Variants in ZNF726 observed in about 807,000 individuals in gnomAD.
ZNF726 encodes zinc finger protein 726, also known as zinc finger protein 92 pseudogene 3.
A neutral mutation model predicts 11.6 loss-of-function variants in ZNF726; 15 were observed. The observed-to-expected ratio is 1.29, with a 90% CI of 0.86 to 1.99. ZNF726 has a LOEUF of 1.99. ZNF726 is among the 30% of genes most tolerant of loss of function. The pLI is 0.00. For synonymous variants in ZNF726, 295 were observed against 243.6 expected, an observed-to-expected ratio of 1.21 and a Z score of -1.96; for missense variants, 890 against 725.6, an observed-to-expected ratio of 1.23 and a Z score of -2.60.
chr19:23,933,009 C>G lies in ZNF726; in HGVS notation c.893C>G (p.Ser298Ter), dbSNP rs747832243. ...EECGKAFSQPSALTIHKRMHI... is the reference protein window; with the variant it reads ...EECGKAFSQP ...TGTGGCAAAGCATTTAGCCAACCCT[C>G]AGCACTAACCATACATAAGAGGATG... The change falls in exon 4 of 4, where the codon TCA (serine) becomes TGA (stop). Residue 298 changes from serine to a stop codon, truncating the protein, a stop_gained. Transcript: ENST00000594466. LOFTEE classifies it low-confidence loss of function (END_TRUNC). 3.4e-5 allele frequency: 55 copies of G among 1,612,808 alleles called. No homozygotes were observed. The highest frequency in any genetic ancestry group is 4.4e-5 in the Non-Finnish European group (52 of 1,179,896).
intron 3 of ZNF726, chr19:23,923,856 C>A (rs1811011894): frequency 6.6e-6 from 1 of 152,652 alleles, no homozygotes; most frequent in South Asian, 2.1e-4. Context: ...AGTTTCCTAA[C>A]ATCAGTTTAT....
Position 23,933,244 on chromosome 19 carries a change from A to G in ZNF726, c.1128A>G (p.Lys376=). The G allele has an allele frequency of 1.2e-6, 2 of 1,613,350 alleles. No homozygotes were observed. Among genetic ancestry groups the G allele is most frequent in the Non-Finnish European group, 1.7e-6 (2 of 1,179,996 alleles). ...CCTACAAATGTGAAGAATGTGGCAA[A>G]GCATTTATATGGCCCTCAACCCTAA... ...EKPYKCEECG[K]AFIWPSTLTK... is the part of the protein sequence containing the mutation. The change falls in exon 4 of 4, where the codon AAA becomes AAG. Residue 376 remains lysine, a synonymous_variant. Coordinates refer to ENST00000594466, the MANE Select transcript of ZNF726 (RefSeq NM_001244038.2).
At chr19:23,922,370 T>C (rs1007681052) in intron 3 of ZNF726, among the ~76,000 whole-genome samples, 7 of 152,152 alleles carry the variant, frequency 4.6e-5, no homozygotes, top group Non-Finnish European at 4.4e-5. Context: ...CTCAGGGAGC[T>C]GGAACTGAGT....
intron 3 of ZNF726, chr19:23,928,028 GC>G (rs1283582384): frequency 6.6e-6 from 1 of 152,140 alleles, no homozygotes; most frequent in Non-Finnish European, 1.5e-5. Flanking sequence ...CTCATAGATA[GC>G]TTGGCACCAT....
chr19:23,915,221 G>C (rs1182413510), intron 1 of ZNF726, among the ~76,000 whole-genome samples: 1 of 152,098 alleles, frequency 6.6e-6, no homozygotes, highest in Non-Finnish European at 1.5e-5. Context: ...CTGTGCCCTG[G>C]CCTGGAGCCC....
intron 3 of ZNF726, among the ~76,000 whole-genome samples, chr19:23,931,944 A>T (rs1215411225): frequency 6.6e-6 from 1 of 152,144 alleles, no homozygotes; most frequent in Non-Finnish European, 1.5e-5. Context: ...AAGCCCCTAA[A>T]AGCCAGAAAT....
At chr19:23,919,116 A>G in intron 1 of ZNF726, 1 of 352,400 alleles carries the variant, frequency 2.8e-6, no homozygotes, top group South Asian at 3.1e-5. Flanking sequence ...TGTACATGTT[A>G]GTACATTTTT....
Position 23,933,906 on chromosome 19 carries a change from A to G in ZNF726, c.1790A>G (p.Glu597Gly), listed in dbSNP as rs1413231962. The change falls in exon 4 of 4, where the codon GAA becomes GGA. Residue 597 changes from glutamate to glycine, a missense_variant. Glu to Gly is a moderately conservative substitution (Grantham distance 98, BLOSUM62 -2). Transcript: ENST00000594466. Reference sequence around the variant, plus strand: ...GGAGAGAAACCTTACAAGTGTGACGAATGTGGCAAATCATTTATCTGGTCC... The same window carrying G: ...GGAGAGAAACCTTACAAGTGTGACGGATGTGGCAAATCATTTATCTGGTCC... Reference protein sequence around the residue: ...HTGEKPYKCDECGKSFIWSST... With the variant: ...HTGEKPYKCDGCGKSFIWSST... 3.1e-6 allele frequency: 5 copies of G among 1,588,330 alleles called. No homozygotes were observed. Among genetic ancestry groups the G allele is most frequent in the Non-Finnish European group, 4.3e-6 (5 of 1,167,022 alleles).
intron 3 of ZNF726, among the ~76,000 whole-genome samples, chr19:23,940,146 C>T (rs1704093824): frequency 6.6e-6 from 1 of 152,062 alleles, no homozygotes; most frequent in African/African-American, 2.4e-5. Context: ...TTTATAGTTT[C>T]AGGTCTTAGG....
At chr19:23,942,847 T>A (rs760848843) in intron 3 of ZNF726, among the ~76,000 whole-genome samples, 50 of 152,238 alleles carry the variant, frequency 3.3e-4, no homozygotes, top group South Asian at 1.0e-3. Flanking sequence ...TGAGTCCTTA[T>A]GTTAAGTGAG....
chr19:23,934,107 A>C lies in ZNF726; in HGVS notation c.*140A>C. The C allele has an allele frequency of 8.9e-7, 1 of 1,120,754 alleles. No homozygotes were observed. The highest frequency in any genetic ancestry group is 1.3e-6 in the Non-Finnish European group (1 of 745,704). 69.4% of individuals were successfully genotyped at this position (1,120,754 alleles called of 1,614,324 possible). A position where few individuals can be genotyped will look rare whatever the true frequency, so the allele number is the denominator to read the frequency against. ...GCTTTTAATCCTCAAATCTTACTAA[A>C]CATTAGATAATTCACACTGGAGAGA... On this transcript the variant is annotated 3_prime_UTR_variant, in exon 4 of 4. Coordinates refer to ENST00000594466, the MANE Select transcript of ZNF726 (RefSeq NM_001244038.2).
At chr19:23,941,808 A>G (rs915686762) in intron 3 of ZNF726, among the ~76,000 whole-genome samples, 1 of 152,068 alleles carries the variant, frequency 6.6e-6, no homozygotes, top group Non-Finnish European at 1.5e-5. Flanking sequence ...CAGTGGTGTC[A>G]GTTATAATAT....
chr19:23,931,861 C>T (rs1209613739), intron 3 of ZNF726, among the ~76,000 whole-genome samples: 1 of 152,158 alleles, frequency 6.6e-6, no homozygotes, highest in East Asian at 1.9e-4. Flanking sequence ...TGGACTCAAA[C>T]TCTCATTCCG....
Position 23,932,688 on chromosome 19 carries a change from A to G in ZNF726, c.572A>G (p.His191Arg), listed in dbSNP as rs776028906. The change falls in exon 4 of 4, where the codon CAT becomes CGT. Residue 191 changes from histidine to arginine, a missense_variant. Physicochemically the swap from His to Arg is conservative, Grantham distance 29. Transcript: ENST00000594466. ...TGCATGTTTTCACACAAAACCCAGC[A>G]TAAAAGCATATATACTACAGAGAAG... ...SFCMFSHKTQ[H>R]KSIYTTEKSY... 6 of 1,594,144 alleles carry G rather than the reference A, an allele frequency of 3.8e-6. No homozygotes were observed. The highest frequency in any genetic ancestry group is 2.2e-5 in the East Asian group (1 of 44,786).
At chr19:23,941,830 T>G (rs1599478254) in intron 3 of ZNF726, among the ~76,000 whole-genome samples, 2 of 152,306 alleles carry the variant, frequency 1.3e-5, no homozygotes, top group African/African-American at 4.8e-5. Context: ...TCCTGTTTCA[T>G]TTCTCAGTGA....
chr19:23,937,286 ACC>A (rs957821325), downstream of ZNF726, among the ~76,000 whole-genome samples: 5 of 142,672 alleles, frequency 3.5e-5, no homozygotes, highest in East Asian at 6.5e-4. Flanking sequence ...CGGGGGGCTG[ACC>A]CCCCCACCTC....
intron 3 of ZNF726, chr19:23,943,411 T>C (rs1968368521): frequency 6.8e-6 from 3 of 444,330 alleles, no homozygotes; most frequent in Non-Finnish European, 1.2e-5. Flanking sequence ...GAAGCTTTCA[T>C]AATATTTTCT....
In ZNF726 at chr19:23,934,227, T is replaced by A. The variant is rs781633817; in HGVS notation, c.*260T>A. ...TCATACTGGAAATAAACCCTACAAA[T>A]GTGAAAAATGTGGCAAAGCATATGG... On this transcript the variant is annotated 3_prime_UTR_variant, in exon 4 of 4. Transcript: ENST00000594466. 8 of 717,100 alleles carry A rather than the reference T, an allele frequency of 1.1e-5. No homozygotes were observed. The highest frequency in any genetic ancestry group is 1.8e-5 in the Non-Finnish European group (7 of 392,784). 44.4% of individuals were successfully genotyped at this position (717,100 alleles called of 1,614,324 possible). A position where few individuals can be genotyped will look rare whatever the true frequency, so the allele number is the denominator to read the frequency against.
intron 1 of ZNF726, among the ~76,000 whole-genome samples, chr19:23,916,562 T>A (rs1181927293): frequency 6.6e-6 from 1 of 152,092 alleles, no homozygotes; most frequent in African/African-American, 2.4e-5. Flanking sequence ...AACTTCTGGT[T>A]TCAAGTCATC....
Sources: gnomAD v4.1 joint callset for allele counts (sites outside exome capture counted in the v4.1 genomes callset) on GRCh38, gnomAD v4.1.1 for gene constraint, MANE v1.5 for transcripts, NCBI Gene and HGNC (gene_info 2026-07-23, HGNC 2026-07-21) for gene names.